The following TTN variants were observed in gnomAD, a reference collection of about 807,000 sequenced individuals.
TTN encodes the protein titin.
In TTN, 1,525 loss-of-function variants were observed where a neutral mutation model predicts 3,223.0. The ratio of observed to expected loss-of-function variants is 0.47; its 90% confidence interval spans 0.45 to 0.49. The LOEUF (loss-of-function observed/expected upper bound fraction) is 0.49. TTN is among the 20% of genes least tolerant of loss of function. The pLI is 0.00. For missense variants in TTN, 40,786 were observed against 43,424.0 expected, an observed-to-expected ratio of 0.94 and a Z score of 5.40; for synonymous variants, 14,094 against 15,161.0, an observed-to-expected ratio of 0.93 and a Z score of 5.17.
chr2:178,602,365 C>A lies in TTN; in HGVS notation c.55037G>T (p.Arg18346Ile), dbSNP rs573136400. The A allele has an allele frequency of 1.2e-5, 20 of 1,612,886 alleles. No individual in the cohort carries two copies. In the African/African-American group the frequency reaches 2.3e-4, roughly 18 times the overall value. ...VPNLKELRKY[R>I]FRVKAVNEAG... is the part of the protein sequence containing the mutation. ...TTCATTGACAGCTTTCACTCTGAAT[C>A]TGTACTTCCTGAGCTCTTTCAGATT... The change falls in exon 283 of 363, where the codon AGA becomes ATA. Residue 18346 changes from arginine (R) to isoleucine (I), a missense_variant. By Grantham distance (97) the Arg-to-Ile change is moderately conservative. Coordinates refer to ENST00000589042, the MANE Select transcript of TTN (RefSeq NM_001267550.2).
Position 178,602,122 on chromosome 2 carries a change from T to A in TTN, c.55149A>T (p.Gly18383=). ...CTTTACAAACCAGACAGTCCTGTGC[T>A]CCAATGTCAATGAAAACTTCTGGTT... ...QEEPEVFIDI[G]AQDCLVCKAG... Residue 18383 remains glycine (G), a synonymous_variant, in exon 284 of 363, where the codon GGA becomes GGT. Coordinates refer to ENST00000589042, the MANE Select transcript of TTN (RefSeq NM_001267550.2). 4 of 1,607,054 alleles carry A rather than the reference T, an allele frequency of 2.5e-6. No homozygotes were observed. The highest frequency in any genetic ancestry group is 3.4e-6 in the Non-Finnish European group (4 of 1,176,802).
rs752325480 is a variant in TTN, at chr2:178,745,707, C to A, written c.11312-3786G>T. The stretch of plus-strand genomic sequence containing the variant: ...ATAAACAGGTTATGGAACCCTGTGC[C>A]ACTTTCCTCAACAGTGAACCTTCTT... On this transcript the variant is annotated intron_variant, in intron 47 of 362. Coordinates refer to ENST00000589042, the MANE Select transcript of TTN (RefSeq NM_001267550.2). 8 of 1,611,648 alleles carry A rather than the reference C, an allele frequency of 5.0e-6. No individual in the cohort carries two copies. In the Admixed American group the frequency reaches 1.3e-4, roughly 27 times the overall value.
At chr2:178,751,919 G>T in intron 47 of TTN, 1 of 1,588,932 alleles carries the variant, frequency 6.3e-7, no homozygotes, top group Non-Finnish European at 8.5e-7. Flanking sequence ...GGAGCTTGTA[G>T]ATGATATTCT....
At position 178,663,345 on chromosome 2, in the gene TTN, T is replaced by C. The variant is rs770052452; in HGVS notation, c.36621A>G (p.Pro12207=). Residue 12207 remains proline, a synonymous_variant, in exon 173 of 363, where the codon CCA becomes CCG. Transcript: ENST00000589042. ...KKPEVPPTKV[P]EVPKAAVPEK... ...CTGGGACAGCTGCCTTTGGCACCTC[T>C]GGGACTTTAAAGATATTAGTATTTT... The C allele has an allele frequency of 2.5e-6, 4 of 1,591,948 alleles. No homozygotes were observed. The highest frequency in any genetic ancestry group is 3.4e-6 in the Non-Finnish European group (4 of 1,173,578).
rs775330925 is a variant in TTN at position 178,568,851 on chromosome 2, G to T, written c.77281C>A (p.Leu25761Ile). The T allele has an allele frequency of 1.2e-6, 2 of 1,613,108 alleles. No homozygotes were observed. The highest frequency in any genetic ancestry group is 2.2e-5 in the South Asian group (2 of 91,060). The change falls in exon 326 of 363, where the codon CTA (leucine) becomes ATA (isoleucine). Residue 25761 changes from leucine to isoleucine, a missense_variant. By Grantham distance (5) the Leu-to-Ile change is conservative (BLOSUM62 2). Transcript: ENST00000589042. Reference protein sequence around the residue: ...VKSLQAVITNLTQGEEYLFRV... With the variant: ...VKSLQAVITNITQGEEYLFRV... ...AAAAGATATTCTTCCCCTTGAGTTA[G>T]GTTGGTAATTACTGCCTGAAGAGAC... is the stretch of plus-strand genomic sequence containing the variant.
chr2:178,626,008 G>A (rs187283877), intron 240 of TTN, among the ~76,000 whole-genome samples: 45 of 151,940 alleles, frequency 3.0e-4, no homozygotes, highest in Admixed American at 2.3e-3. Flanking sequence ...TAGTATATAC[G>A]TATATGTGTA....
intron 241 of TTN, 46 bp downstream of exon 241, chr2:178,625,227 T>C (rs755442803): frequency 6.3e-6 from 10 of 1,586,872 alleles, no homozygotes; most frequent in South Asian, 1.2e-5. Context: ...GCATTGTTCA[T>C]GAGCCTCTGC....
At position 178,701,151 on chromosome 2, in the gene TTN, T is replaced by C. The variant is rs1008835155; in HGVS notation, c.30651A>G (p.Glu10217=). 3 of 1,613,808 alleles carry C rather than the reference T, an allele frequency of 1.9e-6. No homozygotes were observed. The highest frequency in any genetic ancestry group is 2.5e-6 in the Non-Finnish European group (3 of 1,179,786). The change falls in exon 111 of 363, where the codon GAA becomes GAG. Residue 10217 remains glutamate (E), a synonymous_variant. Coordinates refer to ENST00000589042, the MANE Select transcript of TTN (RefSeq NM_001267550.2). Reference sequence around the variant, plus strand: ...TACGTTTTGGTGGTGGTTTCTTTTCTTCGGGTGTTGGTAGCAAAAGGGGGA... The same window carrying C: ...TACGTTTTGGTGGTGGTTTCTTTTCCTCGGGTGTTGGTAGCAAAAGGGGGA... The part of the protein sequence containing the change: ...PPIPLLLPTP[E]EKKPPPKRIE...
intron 106 of TTN, among the ~76,000 whole-genome samples, chr2:178,703,702 T>C (rs1004479600): frequency 2.0e-5 from 3 of 152,230 alleles, no homozygotes; most frequent in Non-Finnish European, 4.4e-5. Flanking sequence ...TGAAAAATAG[T>C]TGCTAATTGC....
At chr2:178,700,452 G>A (rs1489531947) in intron 111 of TTN, among the ~76,000 whole-genome samples, 1 of 152,274 alleles carries the variant, frequency 6.6e-6, no homozygotes, top group East Asian at 1.9e-4. Flanking sequence ...TTCTGACCAT[G>A]CTGGGAGAAT....
chr2:178,766,561 C>G lies in TTN; in HGVS notation c.9523G>C (p.Val3175Leu), dbSNP rs762667276. 1.2e-6 allele frequency: 2 copies of G among 1,613,970 alleles called. No homozygotes were observed. Among genetic ancestry groups the G allele is most frequent in the Non-Finnish European group, 1.7e-6 (2 of 1,180,008 alleles). ...CCATCTTTATACCAGTGGGCATCAA[C>G]ATCGTCTTCATTGACCTCAAATTCA... ...VVEFEVNEDD[V>L]DAHWYKDGIE... The change falls in exon 41 of 363, where the codon GTT (valine) becomes CTT (leucine). Residue 3175 changes from valine (V) to leucine (L), a missense_variant. By Grantham distance (32) the Val-to-Leu change is conservative. Coordinates refer to ENST00000589042, the MANE Select transcript of TTN (RefSeq NM_001267550.2).
rs762717963 is a variant in TTN at position 178,780,208 on chromosome 2, A to G, written c.3524-3T>C. On this transcript the variant is annotated splice_polypyrimidine_tract_variant and splice_region_variant and intron_variant, in intron 21 of 362. Coordinates refer to ENST00000589042, the MANE Select transcript of TTN (RefSeq NM_001267550.2). The stretch of plus-strand genomic sequence containing the variant: ...CTTCATCAGTAACTCATAATCAGCT[A>G]AGAGTTAAGAACATCAGTTAATTTT... 13 of 1,611,174 alleles carry G rather than the reference A, an allele frequency of 8.1e-6. No homozygotes were observed. The highest frequency in any genetic ancestry group is 2.7e-5 in the African/African-American group (2 of 74,870).
In TTN at chr2:178,590,378, T is replaced by C. The variant is rs2154184350; in HGVS notation, c.61347A>G (p.Ala20449=). The C allele has an allele frequency of 6.3e-7, 1 of 1,587,872 alleles. No individual in the cohort carries two copies. Residue 20449 remains alanine (A), a synonymous_variant, in exon 304 of 363, where the codon GCA becomes GCG. Coordinates refer to ENST00000589042, the MANE Select transcript of TTN (RefSeq NM_001267550.2). Reference sequence around the variant, plus strand: ...GCTCACCCTCTCCTACAATATTAGCTGCCTTTATACGGAATCTGTACTCAT... The same window carrying C: ...GCTCACCCTCTCCTACAATATTAGCCGCCTTTATACGGAATCTGTACTCAT... ...EGNEYRFRIK[A]ANIVGEGEPR... is the part of the protein sequence containing the mutation.
chr2:178,710,682 A>C lies in TTN; in HGVS notation c.28415T>G (p.Val9472Gly), dbSNP rs1257120493. The C allele has an allele frequency of 3.1e-6, 5 of 1,613,156 alleles. No individual in the cohort carries two copies. The East Asian group carries it at 1.1e-4, about 36-fold the overall frequency. Residue 9472 changes from valine (V) to glycine (G), a missense_variant, in exon 98 of 363, where the codon GTG becomes GGG. Coordinates refer to ENST00000589042, the MANE Select transcript of TTN (RefSeq NM_001267550.2). ...GCAAGAGTCTTTTCCCACTTCATTCACAGCATAGCAGGTATATTGTCCAGA... is the reference window on the plus strand; with the variant it reads ...GCAAGAGTCTTTTCCCACTTCATTCCCAGCATAGCAGGTATATTGTCCAGA... ...GDSGQYTCYA[V>G]NEVGKDSCTA...
Position 178,536,373 on chromosome 2 carries a change from A to G in TTN, c.100374T>C (p.Ile33458=), listed in dbSNP as rs1273247070. The change falls in exon 357 of 363, where the codon ATT becomes ATC. Residue 33458 remains isoleucine, a synonymous_variant. Transcript: ENST00000589042. ...RETVFSVKNL[I]EGLEYEFRVK... ...CACGAAACTCGTATTCAAGACCTTC[A>G]ATAAGGTTTTTCACTGAAAAGACAG... 14 of 1,613,648 alleles carry G rather than the reference A, an allele frequency of 8.7e-6. No homozygotes were observed. The highest frequency in any genetic ancestry group is 1.1e-5 in the Non-Finnish European group (13 of 1,179,802).
rs1690211632 is a variant in TTN at position 178,533,761 on chromosome 2, G to A, written c.102854C>T (p.Pro34285Leu). Residue 34285 changes from proline to leucine, a missense_variant, in exon 358 of 363, where the codon CCA (proline) becomes CTA (leucine). Pro to Leu is a moderately conservative substitution (Grantham distance 98). Coordinates refer to ENST00000589042, the MANE Select transcript of TTN (RefSeq NM_001267550.2). ...TTTATACCATGTTACATGAGGCTCTGGGTGGACAGTTATAGTTACTCCAAA... is the reference window on the plus strand; with the variant it reads ...TTTATACCATGTTACATGAGGCTCTAGGTGGACAGTTATAGTTACTCCAAA... ...VRFGVTITVH[P>L]EPHVTWYKSG... 1 of 1,613,796 alleles carries A rather than the reference G, an allele frequency of 6.2e-7. No individual in the cohort carries two copies. The highest frequency in any genetic ancestry group is 8.5e-7 in the Non-Finnish European group (1 of 1,179,868).
chr2:178,527,283 A>G lies in TTN; in HGVS notation c.107705T>C (p.Leu35902Pro). 1 of 1,599,988 alleles carries G rather than the reference A, an allele frequency of 6.3e-7. No homozygotes were observed. Among genetic ancestry groups the G allele is most frequent in the Non-Finnish European group, 8.5e-7 (1 of 1,171,568 alleles). The change falls in exon 363 of 363, where the codon CTT (leucine) becomes CCT (proline). Residue 35902 changes from leucine to proline, a missense_variant. Transcript: ENST00000589042. ...IRGIPPKIEA[L>P]PSDISIDEGK... is the part of the protein sequence containing the mutation. Reference sequence around the variant, plus strand: ...TTCATCAATGCTGATATCAGATGGAAGAGCTTCAATTTTAGGCGGAATTCC... The same window carrying G: ...TTCATCAATGCTGATATCAGATGGAGGAGCTTCAATTTTAGGCGGAATTCC...
At chr2:178,619,223 A>C (rs1056865432) in intron 250 of TTN, 1 of 356,844 alleles carries the variant, frequency 2.8e-6, no homozygotes, top group Non-Finnish European at 5.1e-6. Flanking sequence ...TGAGAGGTAC[A>C]CTAATGGCTT....
At position 178,546,732 on chromosome 2, in the gene TTN, C is replaced by G. The variant is rs1697332587; in HGVS notation, c.94696G>C (p.Asp31566His). 4 of 1,613,770 alleles carry G rather than the reference C, an allele frequency of 2.5e-6. No individual in the cohort carries two copies. The highest frequency in any genetic ancestry group is 2.5e-6 in the Non-Finnish European group (3 of 1,179,748). ...WLKCNYTIVS[D>H]NFFTVTALSE... ...AGAGCAGTCACGGTGAAGAAATTGT[C>G]AGATACAATGGTGTAGTTGCACTTC... Residue 31566 changes from aspartate (D) to histidine (H), a missense_variant, in exon 341 of 363, where the codon GAC (aspartate) becomes CAC (histidine). Physicochemically the swap from Asp to His is moderately conservative, Grantham distance 81. Transcript: ENST00000589042.
Sources: gnomAD v4.1 joint callset for allele counts (sites outside exome capture counted in the v4.1 genomes callset) on GRCh38, gnomAD v4.1.1 for gene constraint, MANE v1.5 for transcripts, NCBI Gene and HGNC (gene_info 2026-07-23, HGNC 2026-07-21) for gene names.